Variants in TNFRSF10B observed in about 807,000 individuals in gnomAD.
The protein encoded by TNFRSF10B is TNF receptor superfamily member 10b.
Under a neutral mutation model 41.4 loss-of-function variants are expected in TNFRSF10B, and 35 were observed. That is an observed-to-expected ratio of 0.85 (90% CI 0.65 to 1.12). The LOEUF is 1.12. Ranked by LOEUF, TNFRSF10B falls within the 50% of genes most tolerant of loss-of-function variation. TNFRSF10B has a pLI of 0.00. For missense variants in TNFRSF10B, 584 were observed against 552.7 expected, an observed-to-expected ratio of 1.06 and a Z score of -0.57; for synonymous variants, 230 against 215.5, an observed-to-expected ratio of 1.07 and a Z score of -0.59.
intron 2 of TNFRSF10B, among the ~76,000 whole-genome samples, chr8:23,039,003 G>A (rs896700244): frequency 4.0e-5 from 6 of 151,684 alleles, no homozygotes; most frequent in East Asian, 1.9e-4. Context: ...TCACTATAAC[G>A]TAGAATCAGT....
intron 1 of TNFRSF10B, among the ~76,000 whole-genome samples, chr8:23,063,176 G>C (rs1035191299): frequency 1.3e-4 from 20 of 151,818 alleles, no homozygotes; most frequent in Non-Finnish European, 2.2e-4. Flanking sequence ...GGTGAAACCC[G>C]GTCTCTACTA....
intron 2 of TNFRSF10B, among the ~76,000 whole-genome samples, chr8:23,033,642 A>G (rs947093705): frequency 1.2e-4 from 18 of 147,168 alleles, no homozygotes; most frequent in African/African-American, 4.0e-4. Flanking sequence ...AAAGGTAACT[A>G]TTTAGGTAAA....
chr8:23,045,233 TA>T lies in TNFRSF10B; in HGVS notation c.145-1991del, dbSNP rs985666275. On this transcript the variant is annotated intron_variant, in intron 1 of 8. Coordinates refer to ENST00000276431, the MANE Select transcript of TNFRSF10B (RefSeq NM_003842.5). ...CAACAGAGGGAGACTCTGTCTCAAA[TA>T]AAAAAAAAAATGAGACACATTACAA... Among the ~76,000 whole-genome samples, 815 of 139,036 alleles carry T rather than the reference TA, an allele frequency of 5.9e-3. 6 individuals carry two copies. Among genetic ancestry groups the T allele is most frequent in the African/African-American group, 0.018 (690 of 38,114 alleles). The allele number at this position is 139,036 out of a possible 152,430, so 91.2% of individuals were successfully genotyped here.
In TNFRSF10B at chr8:23,043,242, A is replaced by C. The variant is rs772531351; in HGVS notation, c.146T>G (p.Val49Gly). Residue 49 changes from valine to glycine, a missense_variant and splice_region_variant, in exon 2 of 9, where the codon GTC becomes GGC. By Grantham distance (109) the Val-to-Gly change is moderately radical. Coordinates refer to ENST00000276431, the MANE Select transcript of TNFRSF10B (RefSeq NM_003842.5). ...GGTGATCAGAGCAGACTCAGCTGAG[A>C]CCTGTGGGGACAAAGCAGGGATGGG... is the stretch of plus-strand genomic sequence containing the variant. ...VLVVAAVLLL[V>G]SAESALITQQ... The C allele has an allele frequency of 3.7e-6, 6 of 1,613,824 alleles. No homozygotes were observed. The East Asian group carries it at 1.3e-4, about 36-fold the overall frequency.
chr8:23,022,121 G>A lies in TNFRSF10B; in HGVS notation c.*550C>T, dbSNP rs575898796. ...ACAAAATACAAAAAATTAGCCGGGCGTGGTGGTGCACACCTGTGGTCCCAG... is the reference window on the plus strand; with the variant it reads ...ACAAAATACAAAAAATTAGCCGGGCATGGTGGTGCACACCTGTGGTCCCAG... On this transcript the variant is annotated 3_prime_UTR_variant, in exon 9 of 9. Transcript: ENST00000276431. 5.3e-5 allele frequency: 23 copies of A among 430,558 alleles called. 1 individual carries two copies. Among genetic ancestry groups the A allele is most frequent in the East Asian group, 4.2e-4 (6 of 14,170 alleles). The allele number at this position is 430,558 out of a possible 1,614,324, so 26.7% of individuals were successfully genotyped here.
rs1237428341 is a variant in TNFRSF10B, at chr8:23,040,398, AAT to A, written c.250+2738_250+2739del. Among the ~76,000 whole-genome samples, 5 of 13,372 alleles carry A rather than the reference AAT, an allele frequency of 3.7e-4. 1 individual carries two copies. The highest frequency in any genetic ancestry group is 1.3e-3 in the Admixed American group (1 of 794). 8.8% of individuals were successfully genotyped at this position (13,372 alleles called of 152,430 possible). On this transcript the variant is annotated intron_variant, in intron 2 of 8. Coordinates refer to ENST00000276431, the MANE Select transcript of TNFRSF10B (RefSeq NM_003842.5). ...ATATATACAAAATATATATTTATTA[AAT>A]ATATATACAAAATATATATTTATTA...
chr8:23,065,658 G>A (rs1489792698), intron 1 of TNFRSF10B, among the ~76,000 whole-genome samples: 4 of 152,124 alleles, frequency 2.6e-5, no homozygotes, highest in Non-Finnish European at 4.4e-5. Context: ...CTGAACACAA[G>A]GTATATAGTT....
intron 2 of TNFRSF10B, chr8:23,042,924 CTCAAGGT>C (rs1812247287): frequency 1.8e-6 from 1 of 543,216 alleles, no homozygotes; most frequent in Admixed American, 3.1e-5. Context: ...TCAATTCTCT[CTCAAGGT>C]TCCTATCAGT....
chr8:23,056,278 A>C (rs980513185), intron 1 of TNFRSF10B, among the ~76,000 whole-genome samples: 7 of 152,176 alleles, frequency 4.6e-5, no homozygotes, highest in Non-Finnish European at 5.9e-5. Flanking sequence ...TTAATGCCCA[A>C]CTTTGTATTA....
At chr8:23,027,656 G>C in intron 6 of TNFRSF10B, 66 bp downstream of exon 6, 1 of 1,610,232 alleles carries the variant, frequency 6.2e-7, no homozygotes, top group African/African-American at 1.3e-5. Context: ...ACCCACCCAG[G>C]TTCTGCTGTC....
intron 1 of TNFRSF10B, among the ~76,000 whole-genome samples, chr8:23,051,957 T>C (rs545856394): frequency 1.1e-4 from 16 of 152,324 alleles, no homozygotes; most frequent in African/African-American, 3.8e-4. Context: ...AATTATAAAC[T>C]AAGTTAATAA....
chr8:23,021,133 T>A lies in TNFRSF10B; in HGVS notation c.*1538A>T, dbSNP rs538431811. On this transcript the variant is annotated 3_prime_UTR_variant, in exon 9 of 9. Coordinates refer to ENST00000276431, the MANE Select transcript of TNFRSF10B (RefSeq NM_003842.5). ...CCTGCATAAATGATCCTTCCATGAC[T>A]GAAATACTATGGAGAAGGGTTTGCT... 8.8e-6 allele frequency: 4 copies of A among 454,104 alleles called. No homozygotes were observed. In the East Asian group the frequency reaches 2.8e-4, roughly 32 times the overall value. The allele number at this position is 454,104 out of a possible 1,614,324, so 28.1% of individuals were successfully genotyped here.
At chr8:23,062,301 A>G (rs1329411834) in intron 1 of TNFRSF10B, among the ~76,000 whole-genome samples, 2 of 152,034 alleles carry the variant, frequency 1.3e-5, no homozygotes, top group African/African-American at 4.8e-5. Flanking sequence ...GCTCACTGCA[A>G]CCTACATCTC....
Position 23,068,875 on chromosome 8 carries a change from T to G in TNFRSF10B, c.20A>C (p.Asn7Thr), listed in dbSNP as rs771771088. 6.2e-7 allele frequency: 1 copy of G among 1,613,426 alleles called. No individual in the cohort carries two copies. The highest frequency in any genetic ancestry group is 8.5e-7 in the Non-Finnish European group (1 of 1,179,942). Residue 7 changes from asparagine to threonine, a missense_variant, in exon 1 of 9, where the codon AAC becomes ACC. Asn to Thr is a moderately conservative substitution (Grantham distance 65). Coordinates refer to ENST00000276431, the MANE Select transcript of TNFRSF10B (RefSeq NM_003842.5). ...CCGGGCCCCCGAAGCGGCCGGGGCGTTCTGTCCCCGTTGTTCCATGGCGGT... is the reference window on the plus strand; with the variant it reads ...CCGGGCCCCCGAAGCGGCCGGGGCGGTCTGTCCCCGTTGTTCCATGGCGGT... MEQRGQ[N>T]APAASGARKR...
intron 1 of TNFRSF10B, among the ~76,000 whole-genome samples, chr8:23,054,359 TATTAACACCTTTTA>T (rs1250674913): frequency 6.6e-6 from 1 of 152,262 alleles, no homozygotes; most frequent in Non-Finnish European, 1.5e-5. Flanking sequence ...TCTTTTGAGC[TATTAACACCTTTTA>T]ACATTTAAGT....
chr8:23,027,521 C>G, intron 6 of TNFRSF10B: 1 of 799,078 alleles, frequency 1.3e-6, no homozygotes, highest in Non-Finnish European at 2.0e-6. Context: ...GAGGATGTCA[C>G]CTGGGCTGCA....
At position 23,068,739 on chromosome 8, in the gene TNFRSF10B, GC is replaced by G. The variant is rs1813077787; in HGVS notation, c.144+11del. ...CGCTCTTCCCCAGCCAGGGACCGCG[GC>G]GGGGACTCACCAACAGCAGGACCGC... On this transcript the variant is annotated intron_variant, in intron 1 of 8. Transcript: ENST00000276431. 1.3e-6 allele frequency: 2 copies of G among 1,567,984 alleles called. No homozygotes were observed. The highest frequency in any genetic ancestry group is 1.4e-5 in the African/African-American group (1 of 74,032).
chr8:23,043,689 T>C (rs1001792), intron 1 of TNFRSF10B, among the ~76,000 whole-genome samples: 64,984 of 151,974 alleles, frequency 0.43, 16,692 homozygotes, highest in African/African-American at 0.72. Flanking sequence ...ACTTAAAAAA[T>C]TGGGATACAG....
In TNFRSF10B at chr8:23,029,855, G is replaced by A. The variant is rs1811827238; in HGVS notation, c.365-134C>T. On this transcript the variant is annotated intron_variant, in intron 3 of 8. Coordinates refer to ENST00000276431, the MANE Select transcript of TNFRSF10B (RefSeq NM_003842.5). ...GTTCTGAGGGCCAGTTTCTGCACCA[G>A]CACACTCATGGCTCATTCAGGATAC... 4 of 791,106 alleles carry A rather than the reference G, an allele frequency of 5.1e-6. No homozygotes were observed. The South Asian group carries it at 5.9e-5, about 12-fold the overall frequency. 49.0% of individuals were successfully genotyped at this position (791,106 alleles called of 1,614,324 possible).
Sources: allele counts gnomAD v4.1 joint callset (sites outside exome capture counted in the v4.1 genomes callset), GRCh38; gene constraint gnomAD v4.1.1; transcripts MANE v1.5; gene names NCBI Gene and HGNC (gene_info 2026-07-23, HGNC 2026-07-21).